Variants in DYNC1I1 observed in about 807,000 individuals in gnomAD.
DYNC1I1 encodes dynein cytoplasmic 1 intermediate chain 1, also known as cytoplasmic dynein 1 intermediate chain 1.
DYNC1I1 carries 43 observed loss-of-function variants against 86.6 expected under a neutral mutation model. That is an observed-to-expected ratio of 0.50 (90% CI 0.39 to 0.64). The LOEUF (loss-of-function observed/expected upper bound fraction) is 0.64. Among genes scored for constraint, DYNC1I1 ranks in the 30% least tolerant of loss-of-function variants. The pLI, the probability that DYNC1I1 is intolerant of heterozygous loss-of-function variation, is 0.00. For missense variants in DYNC1I1, 604 were observed against 788.8 expected, an observed-to-expected ratio of 0.77 and a Z score of 2.81; for synonymous variants, 262 against 283.7, an observed-to-expected ratio of 0.92 and a Z score of 0.77.
intron 6 of DYNC1I1, among the ~76,000 whole-genome samples, chr7:95,899,683 A>G (rs940537747): frequency 1.3e-5 from 2 of 152,236 alleles, no homozygotes; most frequent in Non-Finnish European, 2.9e-5. Context: ...GGTAAGGATA[A>G]TGCTACATGT....
intron 10 of DYNC1I1, among the ~76,000 whole-genome samples, chr7:96,018,768 A>T (rs1794461624): frequency 6.6e-6 from 1 of 152,232 alleles, no homozygotes; most frequent in Admixed American, 6.5e-5. Flanking sequence ...GTATTCTAGC[A>T]GAGGGAAATA....
intron 5 of DYNC1I1, among the ~76,000 whole-genome samples, chr7:95,850,974 C>T (rs867865848): frequency 3.9e-5 from 6 of 152,060 alleles, no homozygotes; most frequent in African/African-American, 7.2e-5. Flanking sequence ...GACAGGGTCT[C>T]ACTCTGTCAC....
intron 14 of DYNC1I1, among the ~76,000 whole-genome samples, chr7:96,066,995 A>C (rs1406087201): frequency 6.6e-6 from 1 of 152,202 alleles, no homozygotes; most frequent in East Asian, 1.9e-4. Context: ...TGAGACAGAA[A>C]CATCTCCTAA....
chr7:95,795,509 G>A (rs1794412418), intron 1 of DYNC1I1, among the ~76,000 whole-genome samples: 1 of 152,146 alleles, frequency 6.6e-6, no homozygotes, highest in South Asian at 2.1e-4. Flanking sequence ...ATGGTAGACT[G>A]GATAAAGAAA....
At chr7:95,945,953 C>G (rs1047960626) in intron 6 of DYNC1I1, among the ~76,000 whole-genome samples, 1 of 152,094 alleles carries the variant, frequency 6.6e-6, no homozygotes, top group Admixed American at 6.5e-5. Flanking sequence ...TACAGAGATA[C>G]CATGGAATAC....
At chr7:96,066,041 C>T (rs192810038) in intron 14 of DYNC1I1, among the ~76,000 whole-genome samples, 2 of 152,274 alleles carry the variant, frequency 1.3e-5, no homozygotes, top group Admixed American at 6.5e-5. Flanking sequence ...GTTTTAACTA[C>T]ATACCCAAGA....
chr7:96,016,859 A>G (rs2115883266), intron 10 of DYNC1I1, among the ~76,000 whole-genome samples: 1 of 152,282 alleles, frequency 6.6e-6, no homozygotes, highest in South Asian at 2.1e-4. Context: ...GCTACACTTC[A>G]AGTAAGATGG....
intron 16 of DYNC1I1, among the ~76,000 whole-genome samples, chr7:96,108,089 A>G (rs1055468486): frequency 2.6e-5 from 4 of 152,046 alleles, no homozygotes; most frequent in Non-Finnish European, 4.4e-5. Flanking sequence ...GTATGATATA[A>G]GCTATAGGCT....
At chr7:95,909,164 A>G in intron 6 of DYNC1I1, among the ~76,000 whole-genome samples, 1 of 141,674 alleles carries the variant, frequency 7.1e-6, no homozygotes, top group Non-Finnish European at 1.5e-5. Flanking sequence ...GAGAAAGAGG[A>G]GCTCAGTAAT....
rs17167235 is a variant in DYNC1I1, at chr7:95,901,167, G to A, written c.490+31169G>A. Among the ~76,000 whole-genome samples the A allele has an allele frequency of 4.9e-4, 74 of 152,266 alleles. No individual in the cohort carries two copies. The East Asian group carries it at 7.9e-3, about 16-fold the overall frequency. On this transcript the variant is annotated intron_variant, in intron 6 of 16. Coordinates refer to ENST00000447467, the MANE Select transcript of DYNC1I1 (RefSeq NM_001135556.2). ...AGCTGTATGTTTCCAGCTGATTTTAGGCCTAGATAACTATCCCTTTCAGCT... is the reference window on the plus strand; with the variant it reads ...AGCTGTATGTTTCCAGCTGATTTTAAGCCTAGATAACTATCCCTTTCAGCT...
intron 2 of DYNC1I1, among the ~76,000 whole-genome samples, chr7:95,807,458 A>G (rs1241336773): frequency 1.1e-4 from 16 of 152,060 alleles, no homozygotes; most frequent in Admixed American, 9.2e-4. Flanking sequence ...CCCCTACCCC[A>G]ATTCGCAGTG....
intron 6 of DYNC1I1, among the ~76,000 whole-genome samples, chr7:95,941,519 C>T (rs942460000): frequency 4.6e-5 from 7 of 152,170 alleles, no homozygotes; most frequent in Admixed American, 1.3e-4. Context: ...GGCGCCCCTC[C>T]CCCAGCCTCA....
At chr7:95,955,326 GA>G (rs200091349) in intron 6 of DYNC1I1, among the ~76,000 whole-genome samples, 1 of 151,612 alleles carries the variant, frequency 6.6e-6, no homozygotes. Context: ...TTTATTTTAT[GA>G]ATTTTTTTTT....
At chr7:95,963,839 G>A (rs1319623932) in intron 6 of DYNC1I1, among the ~76,000 whole-genome samples, 1 of 152,126 alleles carries the variant, frequency 6.6e-6, no homozygotes, top group African/African-American at 2.4e-5. Context: ...TGACCAGAAA[G>A]CAAAAACAAG....
rs139439091 is a variant in DYNC1I1, at chr7:96,004,021, C to G, written c.969+7948C>G. 3.9e-5 allele frequency among the ~76,000 whole-genome samples: 6 copies of G among 152,258 alleles called. No individual in the cohort carries two copies. In the East Asian group the frequency reaches 9.7e-4, roughly 25 times the overall value. On this transcript the variant is annotated intron_variant, in intron 10 of 16. Transcript: ENST00000447467. Reference sequence around the variant, plus strand: ...ATAAATAATGTGATTCTCCAAGAGTCACATTCTTATTGTAATACATTTTAG... The same window carrying G: ...ATAAATAATGTGATTCTCCAAGAGTGACATTCTTATTGTAATACATTTTAG...
chr7:96,070,039 C>T (rs1368967136), intron 14 of DYNC1I1, among the ~76,000 whole-genome samples: 1 of 152,078 alleles, frequency 6.6e-6, no homozygotes, highest in African/African-American at 2.4e-5. Context: ...TTGTTTATGT[C>T]CAATTTTGAA....
intron 8 of DYNC1I1, among the ~76,000 whole-genome samples, chr7:95,986,511 T>A (rs1469919891): frequency 6.6e-6 from 1 of 152,134 alleles, no homozygotes; most frequent in African/African-American, 2.4e-5. Flanking sequence ...CTGGAACATA[T>A]CTGGTGAATC....
At chr7:96,002,232 C>A (rs1440346870) in intron 10 of DYNC1I1, among the ~76,000 whole-genome samples, 1 of 152,168 alleles carries the variant, frequency 6.6e-6, no homozygotes, top group Non-Finnish European at 1.5e-5. Flanking sequence ...TTTCTATTGC[C>A]TAGGCCCTGT....
rs1334726999 is a variant in DYNC1I1, at chr7:96,078,006, G to A, written c.1650+1809G>A. 3.3e-5 allele frequency among the ~76,000 whole-genome samples: 5 copies of A among 152,158 alleles called. No homozygotes were observed. The East Asian group carries it at 7.7e-4, about 23-fold the overall frequency. Reference sequence around the variant, plus strand: ...AACAATAATAGTAGAGATACATTGAGTCCAGCTCAAATCCAGTAATGAACC... The same window carrying A: ...AACAATAATAGTAGAGATACATTGAATCCAGCTCAAATCCAGTAATGAACC... On this transcript the variant is annotated intron_variant, in intron 15 of 16. Transcript: ENST00000447467.
Sources: gnomAD v4.1 joint callset for allele counts (sites outside exome capture counted in the v4.1 genomes callset) on GRCh38, gnomAD v4.1.1 for gene constraint, MANE v1.5 for transcripts, NCBI Gene and HGNC (gene_info 2026-07-23, HGNC 2026-07-21) for gene names.